The following SNCAIP variants were observed in gnomAD, a reference collection of about 807,000 sequenced individuals.
The protein encoded by SNCAIP is synphilin-1.
In SNCAIP, 43 loss-of-function variants were observed where a neutral mutation model predicts 86.7. That is an observed-to-expected ratio of 0.50 (90% confidence interval 0.39 to 0.64). SNCAIP has a LOEUF of 0.64. Ranked by LOEUF, SNCAIP falls within the 30% of genes least tolerant of loss-of-function variation. The pLI is 0.00. For missense variants in SNCAIP, 981 were observed against 1,103.1 expected (o/e 0.89, Z 1.57); for synonymous variants, 417 against 427.2 (o/e 0.98, Z 0.29).
chr5:122,442,112 C>CTTTTTT (rs10688988), intron 7 of SNCAIP, among the ~76,000 whole-genome samples: 52 of 65,706 alleles, frequency 7.9e-4, no homozygotes, highest in African/African-American at 2.1e-3. Flanking sequence ...AAGCAGTACT[C>CTTTTTT]TTTTTTTTTT....
At chr5:122,319,557 T>C (rs552524913) in intron 1 of SNCAIP, among the ~76,000 whole-genome samples, 1 of 152,326 alleles carries the variant, frequency 6.6e-6, no homozygotes, top group South Asian at 2.1e-4. Flanking sequence ...GAGCATCATA[T>C]GAAAGCTATG....
At chr5:122,352,774 C>G (rs1209909089) in intron 1 of SNCAIP, among the ~76,000 whole-genome samples, 3 of 152,146 alleles carry the variant, frequency 2.0e-5, no homozygotes, top group African/African-American at 7.2e-5. Context: ...ATTTAGGAAG[C>G]TGAGGCAGGA....
chr5:122,450,151 C>G (rs150653139), intron 9 of SNCAIP, among the ~76,000 whole-genome samples: 1 of 152,102 alleles, frequency 6.6e-6, no homozygotes, highest in Non-Finnish European at 1.5e-5. Context: ...CTTCATTCCA[C>G]GACTATAAAC....
At chr5:122,325,767 C>T (rs924489547) in intron 1 of SNCAIP, among the ~76,000 whole-genome samples, 7 of 152,000 alleles carry the variant, frequency 4.6e-5, no homozygotes, top group Non-Finnish European at 8.8e-5. Context: ...ACAAAGTATT[C>T]GCAATATTTT....
intron 10 of SNCAIP, among the ~76,000 whole-genome samples, chr5:122,454,048 C>T (rs954795007): frequency 5.9e-5 from 9 of 152,228 alleles, no homozygotes; most frequent in Middle Eastern, 3.4e-3. Flanking sequence ...CGTGAGCCAC[C>T]GCACCCAGTC....
chr5:122,431,425 A>C (rs1055185264), intron 5 of SNCAIP, among the ~76,000 whole-genome samples: 3 of 152,290 alleles, frequency 2.0e-5, no homozygotes, highest in Middle Eastern at 6.8e-3. Flanking sequence ...TAGAAAAGGA[A>C]TAAATTACTG....
rs528870392 is a variant in SNCAIP at position 122,373,176 on chromosome 5, A to G, written c.-46-17913A>G. Among the ~76,000 whole-genome samples the G allele has an allele frequency of 3.3e-5, 5 of 152,302 alleles. No homozygotes were observed. The South Asian group carries it at 1.0e-3, about 32-fold the overall frequency. On this transcript the variant is annotated intron_variant, in intron 1 of 10. Transcript: ENST00000261368. ...TTTTGAAAACTGTATTATACTGTAT[A>G]TAGGAAATTGTATTACAGTACTGTA...
At chr5:122,390,613 T>C (rs1769143639) in intron 1 of SNCAIP, among the ~76,000 whole-genome samples, 1 of 152,228 alleles carries the variant, frequency 6.6e-6, no homozygotes, top group African/African-American at 2.4e-5. Flanking sequence ...TAGTGGTATC[T>C]GTCTTGTGTT....
intron 10 of SNCAIP, chr5:122,453,087 A>C: frequency 1.3e-6 from 1 of 747,940 alleles, no homozygotes; most frequent in Non-Finnish European, 2.3e-6. Context: ...AGCACCTTTC[A>C]TCAGGGGATA....
chr5:122,427,046 T>C (rs1777513632), intron 5 of SNCAIP, among the ~76,000 whole-genome samples: 1 of 152,214 alleles, frequency 6.6e-6, no homozygotes, highest in Admixed American at 6.5e-5. Flanking sequence ...CATGTGTCAG[T>C]GATAAATATT....
chr5:122,339,487 T>G (rs1757138120), intron 1 of SNCAIP, among the ~76,000 whole-genome samples: 2 of 152,078 alleles, frequency 1.3e-5, no homozygotes, highest in South Asian at 4.1e-4. Context: ...GCCATGGGTG[T>G]GTACTTTTTA....
rs750185405 is a variant in SNCAIP at position 122,425,408 on chromosome 5, A to C, written c.1059A>C (p.Leu353=). The change falls in exon 5 of 11, where the codon CTA becomes CTC. Residue 353 remains leucine (L), a synonymous_variant. Transcript: ENST00000261368. ...DKIHDENGNN[L]LHIAASQGHA... is the part of the protein sequence containing the mutation. ...TTCACGACGAAAATGGAAACAATCT[A>C]TTACATATTGCGGCGTCACAGGGAC... 1 of 1,613,978 alleles carries C rather than the reference A, an allele frequency of 6.2e-7. No individual in the cohort carries two copies. The highest frequency in any genetic ancestry group is 8.5e-7 in the Non-Finnish European group (1 of 1,179,858).
chr5:122,417,642 T>C (rs561807820), intron 3 of SNCAIP, among the ~76,000 whole-genome samples: 1 of 152,234 alleles, frequency 6.6e-6, no homozygotes, highest in East Asian at 1.9e-4. Context: ...TTTTGGCATC[T>C]TCCTTCCCTC....
intron 10 of SNCAIP, among the ~76,000 whole-genome samples, chr5:122,453,636 A>G (rs944058690): frequency 1.3e-5 from 2 of 152,076 alleles, no homozygotes; most frequent in African/African-American, 4.8e-5. Flanking sequence ...TGGCTGGGCC[A>G]CCTCCTTGGG....
intron 1 of SNCAIP, among the ~76,000 whole-genome samples, chr5:122,354,955 A>G (rs1328026736): frequency 1.3e-5 from 2 of 152,198 alleles, no homozygotes; most frequent in Admixed American, 1.3e-4. Flanking sequence ...CATCACTCCC[A>G]AATCTGCAAG....
Position 122,425,428 on chromosome 5 carries a change from A to G in SNCAIP, c.1079A>G (p.Gln360Arg), listed in dbSNP as rs569549214. 2 of 1,613,632 alleles carry G rather than the reference A, an allele frequency of 1.2e-6. No homozygotes were observed. The highest frequency in any genetic ancestry group is 1.7e-6 in the Non-Finnish European group (2 of 1,179,646). ...AATCTATTACATATTGCGGCGTCAC[A>G]GGGACACGCAGAGTGTCTACAGCAC... ...GNNLLHIAAS[Q>R]GHAECLQHLT... The change falls in exon 5 of 11, where the codon CAG (glutamine) becomes CGG (arginine). Residue 360 changes from glutamine to arginine, a missense_variant. By Grantham distance (43) the Gln-to-Arg change is conservative. Coordinates refer to ENST00000261368, the MANE Select transcript of SNCAIP (RefSeq NM_005460.4).
chr5:122,320,855 A>G (rs1752771810), intron 1 of SNCAIP, among the ~76,000 whole-genome samples: 2 of 152,232 alleles, frequency 1.3e-5, no homozygotes, highest in African/African-American at 2.4e-5. Context: ...AGATGTTATT[A>G]TCGTGGCCTT....
chr5:122,332,249 A>G (rs1755510382), intron 1 of SNCAIP, among the ~76,000 whole-genome samples: 1 of 152,200 alleles, frequency 6.6e-6, no homozygotes, highest in Non-Finnish European at 1.5e-5. Context: ...GCGTTTTCCC[A>G]CTTAACAGTC....
rs1217301658 is a variant in SNCAIP, at chr5:122,451,466, C to T, written c.2619C>T (p.Gly873=). ...GATCTATCATGGAGACACTAAGTGG[C>T]AACCAAAACAATAATAATAACTACC... ...AFRSIMETLS[G]NQNNNNNYQA... Residue 873 remains glycine, a synonymous_variant, in exon 10 of 11, where the codon GGC becomes GGT. Coordinates refer to ENST00000261368, the MANE Select transcript of SNCAIP (RefSeq NM_005460.4). The T allele has an allele frequency of 2.5e-6, 4 of 1,613,810 alleles. No individual in the cohort carries two copies. The highest frequency in any genetic ancestry group is 3.4e-6 in the Non-Finnish European group (4 of 1,179,924).
Sources: gnomAD v4.1 joint callset for allele counts (sites outside exome capture counted in the v4.1 genomes callset) on GRCh38, gnomAD v4.1.1 for gene constraint, MANE v1.5 for transcripts, NCBI Gene and HGNC (gene_info 2026-07-23, HGNC 2026-07-21) for gene names.